The following RIMKLB variants were observed in gnomAD, a reference collection of about 807,000 sequenced individuals.
The protein encoded by RIMKLB is ribosomal modification protein rimK like family member B.
Under a neutral mutation model 32.0 loss-of-function variants are expected in RIMKLB, and 7 were observed. That is an observed-to-expected ratio of 0.22 (90% CI 0.12 to 0.41). The LOEUF (loss-of-function observed/expected upper bound fraction) is 0.41, where lower values mean the gene tolerates loss of function less well. Ranked by LOEUF, RIMKLB falls within the 10% of genes least tolerant of loss-of-function variation. The probability of loss-of-function intolerance (pLI) is 1.00; values close to 1 mark genes in which losing one functional copy is unlikely to be tolerated. For missense variants in RIMKLB, 289 were observed against 498.7 expected, an observed-to-expected ratio of 0.58 and a Z score of 4.00; for synonymous variants, 172 against 185.1, an observed-to-expected ratio of 0.93 and a Z score of 0.57.
At chr12:8,719,216 A>C (rs965440395) in intron 2 of RIMKLB, among the ~76,000 whole-genome samples, 1 of 152,176 alleles carries the variant, frequency 6.6e-6, no homozygotes, top group Admixed American at 6.5e-5. Context: ...AGGTTTTTCC[A>C]CGTCTTTTCC....
intron 2 of RIMKLB, among the ~76,000 whole-genome samples, chr12:8,728,678 G>A (rs974765576): frequency 3.3e-5 from 5 of 151,988 alleles, no homozygotes; most frequent in African/African-American, 7.3e-5. Flanking sequence ...GTGGCATGAT[G>A]TTGGCTCACT....
intron 5 of RIMKLB, among the ~76,000 whole-genome samples, chr12:8,761,552 A>G (rs1223674041): frequency 2.0e-5 from 3 of 152,076 alleles, no homozygotes; most frequent in Non-Finnish European, 4.4e-5. Flanking sequence ...TCAGGCGATA[A>G]TATGATTTGA....
chr12:8,752,917 T>C (rs774319396), intron 4 of RIMKLB, among the ~76,000 whole-genome samples: 3 of 152,120 alleles, frequency 2.0e-5, no homozygotes, highest in Non-Finnish European at 4.4e-5. Flanking sequence ...CTTTGTTTTT[T>C]CTATTTTTAG....
rs191768429 is a variant in RIMKLB, at chr12:8,776,875, T to C, written c.*3091T>C. ...AGGCATTGACTTTGAAAATCATCTC[T>C]TTTTCTCAAGAAGAAAGCAATGGAG... On this transcript the variant is annotated 3_prime_UTR_variant, in exon 6 of 6. Coordinates refer to ENST00000535829, the MANE Select transcript of RIMKLB (RefSeq NM_001297776.2). 1.0e-6 allele frequency: 1 copy of C among 985,804 alleles called. No homozygotes were observed. Among genetic ancestry groups the C allele is most frequent in the Admixed American group, 6.1e-5 (1 of 16,286 alleles). The allele number at this position is 985,804 out of a possible 1,614,324, so 61.1% of individuals were successfully genotyped here.
At chr12:8,769,947 C>T (rs774147281) in intron 5 of RIMKLB, among the ~76,000 whole-genome samples, 81 of 152,004 alleles carry the variant, frequency 5.3e-4, no homozygotes, top group African/African-American at 1.8e-3. Context: ...ACCTCCAAAG[C>T]GTCAAGTACT....
the RIMKLB span, among the ~76,000 whole-genome samples, chr12:8,673,093 G>T: frequency 2.0e-5 from 3 of 152,078 alleles, no homozygotes; most frequent in Non-Finnish European, 4.4e-5. Context: ...TGTTAGCCAG[G>T]CTAGTCTTGA....
At chr12:8,709,987 T>TTTTTG (rs968657268) in intron 1 of RIMKLB, among the ~76,000 whole-genome samples, 1 of 151,956 alleles carries the variant, frequency 6.6e-6, no homozygotes, top group Non-Finnish European at 1.5e-5. Context: ...AAAAATGTGG[T>TTTTTG]TTTTGTTTTG....
upstream of RIMKLB, chr12:8,697,722 G>T: frequency 3.8e-6 from 1 of 263,274 alleles, no homozygotes; most frequent in South Asian, 2.7e-5. Flanking sequence ...CTCTTCCCCC[G>T]AGGCCAGCGA....
At chr12:8,682,163 A>T (rs760953362) in intron 1 of RIMKLB, among the ~76,000 whole-genome samples, 6 of 152,218 alleles carry the variant, frequency 3.9e-5, no homozygotes, top group Non-Finnish European at 8.8e-5. Flanking sequence ...TGCATTAAAA[A>T]ACACATAAAA....
In RIMKLB at chr12:8,776,235, C is replaced by T; in HGVS notation, c.*2451C>T. ...GTGAAATTAGTTCATTAGCTTTATT[C>T]ACTATTATGCATTCACATGATATTA... On this transcript the variant is annotated 3_prime_UTR_variant, in exon 6 of 6. Transcript: ENST00000535829. 1.0e-6 allele frequency: 1 copy of T among 978,320 alleles called. No individual in the cohort carries two copies. The highest frequency in any genetic ancestry group is 1.2e-6 in the Non-Finnish European group (1 of 823,598). 60.6% of individuals were successfully genotyped at this position (978,320 alleles called of 1,614,324 possible).
At chr12:8,759,296 G>A (rs1949326408) in intron 5 of RIMKLB, among the ~76,000 whole-genome samples, 1 of 152,156 alleles carries the variant, frequency 6.6e-6, no homozygotes, top group African/African-American at 2.4e-5. Flanking sequence ...TCAGGAGGCT[G>A]AGACAGGAGA....
In RIMKLB at chr12:8,736,517, CTTTTTTT is replaced by C. The variant is rs1157484475; in HGVS notation, c.176-13332_176-13326del. 2.5e-3 allele frequency among the ~76,000 whole-genome samples: 323 copies of C among 126,748 alleles called. 5 individuals carry two copies. The highest frequency in any genetic ancestry group is 9.2e-3 in the African/African-American group (309 of 33,756). 83.2% of individuals were successfully genotyped at this position (126,748 alleles called of 152,430 possible). ...CCCCAAATTCTTAAGCATGTATTTCCTTTTTTTTTTTTTTTTTTTGACGGGTCTTGCT... is the reference window on the plus strand; with the variant it reads ...CCCCAAATTCTTAAGCATGTATTTCCTTTTTTTTTTTTGACGGGTCTTGCT... On this transcript the variant is annotated intron_variant, in intron 2 of 5. Transcript: ENST00000535829.
chr12:8,717,856 TTTG>T (rs1477983247), intron 2 of RIMKLB, among the ~76,000 whole-genome samples: 6 of 152,332 alleles, frequency 3.9e-5, no homozygotes, highest in Admixed American at 6.5e-5. Context: ...CCAAGTTTTT[TTTG>T]TTGTTGTTGA....
chr12:8,738,826 A>G (rs1415104410), intron 2 of RIMKLB, among the ~76,000 whole-genome samples: 1 of 152,212 alleles, frequency 6.6e-6, no homozygotes, highest in Admixed American at 6.5e-5. Flanking sequence ...AGTGACTGGC[A>G]TGTTACTTCT....
At chr12:8,716,996 AT>A (rs1336637345) in intron 2 of RIMKLB, among the ~76,000 whole-genome samples, 1 of 147,582 alleles carries the variant, frequency 6.8e-6, no homozygotes, top group Non-Finnish European at 1.5e-5. Context: ...TAATTTAAAA[AT>A]TTTTCAGACT....
At chr12:8,777,769 T>C (rs192591133), downstream of RIMKLB, 4 of 1,069,920 alleles carry the variant, frequency 3.7e-6, no homozygotes, top group Non-Finnish European at 3.5e-6. Context: ...AATGCACCGG[T>C]TTGGATTCAG....
upstream of RIMKLB, among the ~76,000 whole-genome samples, chr12:8,680,990 T>C (rs1942399132): frequency 1.1e-5 from 1 of 88,458 alleles, no homozygotes; most frequent in Admixed American, 1.1e-4. Flanking sequence ...GGTCTGGTCT[T>C]TTTTTTTTTT....
At chr12:8,711,926 C>A (rs1021235978) in intron 1 of RIMKLB, among the ~76,000 whole-genome samples, 1 of 152,010 alleles carries the variant, frequency 6.6e-6, no homozygotes, top group African/African-American at 2.4e-5. Flanking sequence ...GAAATGCAAC[C>A]CATAAAAAAA....
At chr12:8,752,907 CTTTGT>C (rs1413781486) in intron 4 of RIMKLB, among the ~76,000 whole-genome samples, 4 of 151,814 alleles carry the variant, frequency 2.6e-5, no homozygotes, top group African/African-American at 9.7e-5. Flanking sequence ...CGCCCAGCTA[CTTTGT>C]TTTTTCTATT....
Sources: gnomAD v4.1 joint callset for allele counts (sites outside exome capture counted in the v4.1 genomes callset) on GRCh38, gnomAD v4.1.1 for gene constraint, MANE v1.5 for transcripts, NCBI Gene and HGNC (gene_info 2026-07-23, HGNC 2026-07-21) for gene names.